The following ARHGEF10 variants were observed in gnomAD, a reference collection of about 807,000 sequenced individuals.
The protein encoded by ARHGEF10 is Rho guanine nucleotide exchange factor 10, also known as Rho guanine nucleotide exchange factor (GEF) 10.
ARHGEF10 carries 140 observed loss-of-function variants against 147.4 expected under a neutral mutation model. The ratio of observed to expected loss-of-function variants is 0.95; its 90% CI spans 0.83 to 1.09. The LOEUF is 1.09. Ranked by LOEUF, ARHGEF10 falls within the 50% of genes least tolerant of loss-of-function variation. ARHGEF10 has a pLI of 0.00. For missense variants in ARHGEF10, 2,222 were observed against 1,752.7 expected, an observed-to-expected ratio of 1.27 and a Z score of -4.78; for synonymous variants, 902 against 695.8, an observed-to-expected ratio of 1.30 and a Z score of -4.67.
At chr8:1,890,429 G>A (rs1809410984) in intron 11 of ARHGEF10, among the ~76,000 whole-genome samples, 1 of 150,036 alleles carries the variant, frequency 6.7e-6, no homozygotes, top group South Asian at 2.1e-4. Flanking sequence ...CACTGAATGG[G>A]TTGAGGTTGT....
At chr8:1,888,274 T>A (rs1808950269) in intron 11 of ARHGEF10, among the ~76,000 whole-genome samples, 5 of 63,976 alleles carry the variant, frequency 7.8e-5, no homozygotes, top group African/African-American at 3.2e-4. Flanking sequence ...AGTGGGGCTG[T>A]AGGTTCTGAG....
chr8:1,828,589 C>CA (rs1802905100), intron 1 of ARHGEF10, among the ~76,000 whole-genome samples: 1 of 101,996 alleles, frequency 9.8e-6, no homozygotes, highest in Non-Finnish European at 1.9e-5. Flanking sequence ...ATGCACACTT[C>CA]CTGTTTTAAG....
Position 1,905,561 on chromosome 8 carries a change from G to C in ARHGEF10, c.1822-10G>C. On this transcript the variant is annotated splice_polypyrimidine_tract_variant and intron_variant, in intron 16 of 28. Coordinates refer to ENST00000349830, the MANE Select transcript of ARHGEF10 (RefSeq NM_014629.4). Reference sequence around the variant, plus strand: ...AACTGTGGTCCCTGGGCTGTGTTTTGAATGTCCAGCTTCTCAGCAGTGGAA... The same window carrying C: ...AACTGTGGTCCCTGGGCTGTGTTTTCAATGTCCAGCTTCTCAGCAGTGGAA... 1.9e-6 allele frequency: 3 copies of C among 1,614,128 alleles called. No homozygotes were observed. Among genetic ancestry groups the C allele is most frequent in the African/African-American group, 1.3e-5 (1 of 75,022 alleles).
At chr8:1,890,879 G>T (rs866950757) in intron 11 of ARHGEF10, among the ~76,000 whole-genome samples, 1 of 152,142 alleles carries the variant, frequency 6.6e-6, no homozygotes, top group South Asian at 2.1e-4. Context: ...CAGCGAATTG[G>T]CAGTGACTGT....
chr8:1,858,055 C>G lies in ARHGEF10; in HGVS notation c.133C>G (p.Gln45Glu). The change falls in exon 3 of 29, where the codon CAG becomes GAG. Residue 45 changes from glutamine (Q) to glutamate (E), a missense_variant. By Grantham distance (29) the Gln-to-Glu change is conservative. Transcript: ENST00000349830. ...AGATGAAATCCCAGAAGCGGACAGA[C>G]AGGCCCCATCCGCCCCTGAGACAGG... Reference protein sequence around the residue: ...SGDEIPEADRQAPSAPETGGA... With the variant: ...SGDEIPEADREAPSAPETGGA... 4 of 1,614,072 alleles carry G rather than the reference C, an allele frequency of 2.5e-6. No homozygotes were observed. Among genetic ancestry groups the G allele is most frequent in the Admixed American group, 1.7e-5 (1 of 60,000 alleles).
At chr8:1,825,992 G>T (rs571840201) in intron 1 of ARHGEF10, 1 of 831,442 alleles carries the variant, frequency 1.2e-6, no homozygotes, top group Non-Finnish European at 1.9e-6. Flanking sequence ...GATTACTGAG[G>T]TTTACACGTC....
At chr8:1,922,659 T>C (rs527861142) in intron 18 of ARHGEF10, among the ~76,000 whole-genome samples, 1 of 152,296 alleles carries the variant, frequency 6.6e-6, no homozygotes, top group South Asian at 2.1e-4. Context: ...AGGAGTGCCG[T>C]GTCATTGTGG....
At chr8:1,921,900 C>A (rs928928236) in intron 18 of ARHGEF10, among the ~76,000 whole-genome samples, 10 of 152,154 alleles carry the variant, frequency 6.6e-5, no homozygotes, top group African/African-American at 2.4e-4. Context: ...AAATGAATTT[C>A]TTCTCCTTGG....
rs369984966 is a variant in ARHGEF10 at position 1,866,736 on chromosome 8, T to G, written c.622+134T>G. ...AAAGATGTTTATTTACTGAAAATAG[T>G]AACATGGGCTGACTGTGCAGAAGTT... On this transcript the variant is annotated intron_variant, in intron 6 of 28. Transcript: ENST00000349830. 20 of 913,554 alleles carry G rather than the reference T, an allele frequency of 2.2e-5. 1 individual carries two copies. The African/African-American group carries it at 2.4e-4, about 11-fold the overall frequency. The allele number at this position is 913,554 out of a possible 1,614,324, so 56.6% of individuals were successfully genotyped here.
At chr8:1,941,095 C>T (rs1053377583) in intron 26 of ARHGEF10, among the ~76,000 whole-genome samples, 13 of 152,296 alleles carry the variant, frequency 8.5e-5, no homozygotes, top group Non-Finnish European at 1.9e-4. Context: ...TTTTTATTCA[C>T]AGTAGTACCG....
chr8:1,929,459 C>T lies in ARHGEF10; in HGVS notation c.3079+16C>T, dbSNP rs200298282. 1.0e-5 allele frequency: 16 copies of T among 1,598,882 alleles called. No individual in the cohort carries two copies. Among genetic ancestry groups the T allele is most frequent in the Admixed American group, 5.1e-5 (3 of 58,382 alleles). ...AGAGCCCCAGGTGAGGCGGGTCTCA[C>T]GGCCTCCTGGCCGGTCCTTGGGGTT... is the stretch of plus-strand genomic sequence containing the variant. On this transcript the variant is annotated intron_variant, in intron 25 of 28. Transcript: ENST00000349830.
intron 17 of ARHGEF10, among the ~76,000 whole-genome samples, chr8:1,908,227 A>ATTTTGTTTTT (rs1811058617): frequency 9.1e-6 from 1 of 110,078 alleles, no homozygotes; most frequent in Non-Finnish European, 1.8e-5. Context: ...CCACACTTTG[A>ATTTTGTTTTT]TTTTTTTTTT....
chr8:1,823,498 C>A (rs1052434243), upstream of ARHGEF10, among the ~76,000 whole-genome samples: 1 of 151,768 alleles, frequency 6.6e-6, no homozygotes, highest in Admixed American at 6.6e-5. Context: ...TGAGCTCAGC[C>A]CGTGGGGGTC....
At chr8:1,936,884 G>A (rs1479449180) in intron 26 of ARHGEF10, among the ~76,000 whole-genome samples, 2 of 152,170 alleles carry the variant, frequency 1.3e-5, no homozygotes, top group Non-Finnish European at 2.9e-5. Flanking sequence ...TGGGATGCGG[G>A]CTAATGCCGT....
At position 1,876,751 on chromosome 8, in the gene ARHGEF10, C is replaced by G. The variant is rs761017556; in HGVS notation, c.843+17C>G. 1.2e-6 allele frequency: 2 copies of G among 1,613,780 alleles called. No individual in the cohort carries two copies. Among genetic ancestry groups the G allele is most frequent in the East Asian group, 4.5e-5 (2 of 44,894 alleles). ...AAAAAGCAAGTACGTGTTCCCTGCA[C>G]ATGTGAGGGATGGTTCTCTCGCGTT... On this transcript the variant is annotated intron_variant, in intron 8 of 28. Coordinates refer to ENST00000349830, the MANE Select transcript of ARHGEF10 (RefSeq NM_014629.4).
At chr8:1,882,020 G>A (rs1437650758) in intron 9 of ARHGEF10, among the ~76,000 whole-genome samples, 1 of 152,208 alleles carries the variant, frequency 6.6e-6, no homozygotes, top group African/African-American at 2.4e-5. Context: ...TCTGGCCGAG[G>A]AAGTGGAGGC....
chr8:1,889,097 C>CTG (rs1193042520), intron 11 of ARHGEF10, among the ~76,000 whole-genome samples: 3 of 73,180 alleles, frequency 4.1e-5, no homozygotes, highest in African/African-American at 3.5e-4. Flanking sequence ...TGAGGAGACA[C>CTG]TGAGTGGGGT....
In ARHGEF10 at chr8:1,926,369, C is replaced by T; in HGVS notation, c.2611-8C>T. Reference sequence around the variant, plus strand: ...TATATGTGAGCGTTTGATTTTATTCCATTTTAGATTGAATGTGCTGCTTAT... The same window carrying T: ...TATATGTGAGCGTTTGATTTTATTCTATTTTAGATTGAATGTGCTGCTTAT... On this transcript the variant is annotated splice_region_variant and splice_polypyrimidine_tract_variant and intron_variant, in intron 22 of 28. Transcript: ENST00000349830. 1.2e-6 allele frequency: 2 copies of T among 1,611,806 alleles called. No homozygotes were observed. The highest frequency in any genetic ancestry group is 8.5e-7 in the Non-Finnish European group (1 of 1,177,894).
At chr8:1,915,480 G>A (rs1007474666) in intron 18 of ARHGEF10, among the ~76,000 whole-genome samples, 21 of 152,248 alleles carry the variant, frequency 1.4e-4, no homozygotes, top group African/African-American at 5.1e-4. Flanking sequence ...CCCATCCCCA[G>A]GCCCAGCCTC....
Sources: gnomAD v4.1 joint callset for allele counts (sites outside exome capture counted in the v4.1 genomes callset) on GRCh38, gnomAD v4.1.1 for gene constraint, MANE v1.5 for transcripts, NCBI Gene and HGNC (gene_info 2026-07-23, HGNC 2026-07-21) for gene names.